Variants in IL1R1 observed in about 807,000 individuals in gnomAD.
IL1R1 encodes the protein interleukin-1 receptor type 1.
Under a neutral mutation model 50.2 loss-of-function variants are expected in IL1R1, and 22 were observed. That is an observed-to-expected ratio of 0.44 (90% CI 0.31 to 0.63). The LOEUF is 0.63. IL1R1 is among the 20% of genes least tolerant of loss of function. The pLI is 0.07. For synonymous variants in IL1R1, 251 were observed against 236.7 expected, an observed-to-expected ratio of 1.06 and a Z score of -0.55; for missense variants, 509 against 676.2, an observed-to-expected ratio of 0.75 and a Z score of 2.74.
At chr2:102,173,779 A>T (rs548261039) in intron 9 of IL1R1, among the ~76,000 whole-genome samples, 30 of 152,180 alleles carry the variant, frequency 2.0e-4, no homozygotes, top group Non-Finnish European at 3.8e-4. Context: ...TGTAAAAGTC[A>T]TAGGGAACTG....
intron 1 of IL1R1, among the ~76,000 whole-genome samples, chr2:102,080,770 A>G (rs1679169545): frequency 6.6e-6 from 1 of 152,248 alleles, no homozygotes; most frequent in African/African-American, 2.4e-5. Flanking sequence ...TCATAGCAAC[A>G]TTATTCAAAA....
At position 102,151,030 on chromosome 2, in the gene IL1R1, G is replaced by A. The variant is rs544195220; in HGVS notation, c.-83-2911G>A. Among the ~76,000 whole-genome samples the A allele has an allele frequency of 5.9e-5, 9 of 152,232 alleles. No homozygotes were observed. In the South Asian group the frequency reaches 1.9e-3, roughly 32 times the overall value. On this transcript the variant is annotated intron_variant, in intron 1 of 11. Transcript: ENST00000410023. ...TTTAATGTTACTGGTATTTTCTAAA[G>A]GTACGTTTTGAATCTTACTATAAGT...
intron 1 of IL1R1, among the ~76,000 whole-genome samples, chr2:102,151,280 G>T (rs1375557448): frequency 1.3e-5 from 2 of 151,720 alleles, no homozygotes; most frequent in African/African-American, 2.4e-5. Context: ...ATATGATTCC[G>T]GCCATCTCCA....
chr2:102,090,543 T>C (rs1679621436), intron 1 of IL1R1, among the ~76,000 whole-genome samples: 1 of 152,190 alleles, frequency 6.6e-6, no homozygotes, highest in South Asian at 2.1e-4. Flanking sequence ...TTAAACTACC[T>C]CCACATTTGC....
At chr2:102,158,792 T>TA (rs3917337) in intron 3 of IL1R1, among the ~76,000 whole-genome samples, 2 of 152,236 alleles carry the variant, frequency 1.3e-5, no homozygotes, top group Non-Finnish European at 2.9e-5. Flanking sequence ...TGATCTGACT[T>TA]ACGTTTTGAT....
chr2:102,158,162 C>G (rs1252640831), intron 3 of IL1R1, among the ~76,000 whole-genome samples: 1 of 152,186 alleles, frequency 6.6e-6, no homozygotes, highest in Non-Finnish European at 1.5e-5. Flanking sequence ...TCTTTATGAA[C>G]CCACAGCTGG....
chr2:102,092,737 T>C (rs1275479614), intron 1 of IL1R1, among the ~76,000 whole-genome samples: 3 of 152,156 alleles, frequency 2.0e-5, no homozygotes, highest in Admixed American at 2.0e-4. Flanking sequence ...TGGAATTTAC[T>C]GGCAAAACAG....
rs573647608 is a variant in IL1R1, at chr2:102,135,305, G to A, written c.-83-18636G>A. On this transcript the variant is annotated intron_variant, in intron 1 of 10. Coordinates refer to the IL1R1 transcript ENST00000409329. ...ATGCTTTACGCTGTTCTTTGTAGCTGACTGCTTCTGACATTCTGAGCATTG... is the reference window on the plus strand; with the variant it reads ...ATGCTTTACGCTGTTCTTTGTAGCTAACTGCTTCTGACATTCTGAGCATTG... Among the ~76,000 whole-genome samples, 7 of 152,252 alleles carry A rather than the reference G, an allele frequency of 4.6e-5. 1 individual carries two copies. The highest frequency in any genetic ancestry group is 1.7e-4 in the African/African-American group (7 of 41,546).
chr2:102,135,334 G>A (rs777657512), intron 1 of IL1R1, among the ~76,000 whole-genome samples: 1 of 152,076 alleles, frequency 6.6e-6, no homozygotes, highest in Non-Finnish European at 1.5e-5. Context: ...AGCATTGATC[G>A]AGTTGCCTAT....
chr2:102,090,125 C>T lies in IL1R1; in HGVS notation c.-84+19592C>T, dbSNP rs186760297. Among the ~76,000 whole-genome samples, 1,246 of 151,572 alleles carry T rather than the reference C, an allele frequency of 8.2e-3. 11 individuals carry two copies. Among genetic ancestry groups the T allele is most frequent in the Middle Eastern group, 0.031 (9 of 292 alleles). On this transcript the variant is annotated intron_variant, in intron 1 of 11. Transcript: ENST00000409929. ...CTAGGATTACAGGCATGAGCCACTG[C>T]GCCCAGCCTATCCTTTTTTTTTCAA...
chr2:102,085,124 G>T (rs951179141), intron 1 of IL1R1, among the ~76,000 whole-genome samples: 9 of 152,242 alleles, frequency 5.9e-5, no homozygotes, highest in African/African-American at 2.2e-4. Context: ...AATGCATTCT[G>T]GGTAAGAACA....
At chr2:102,095,154 C>T (rs1679844277) in intron 1 of IL1R1, among the ~76,000 whole-genome samples, 1 of 152,176 alleles carries the variant, frequency 6.6e-6, no homozygotes, top group Non-Finnish European at 1.5e-5. Flanking sequence ...CATCATAAAC[C>T]AGTCTTTCCC....
At chr2:102,176,107 A>G in intron 11 of IL1R1, 2 of 474,838 alleles carry the variant, frequency 4.2e-6, no homozygotes, top group Non-Finnish European at 7.4e-6. Flanking sequence ...GGGTCACTTG[A>G]GCCTAGGAGT....
chr2:102,132,004 A>G (rs751204668), intron 1 of IL1R1, among the ~76,000 whole-genome samples: 47 of 152,290 alleles, frequency 3.1e-4, no homozygotes, highest in Non-Finnish European at 5.4e-4. Flanking sequence ...GATTCCTCAT[A>G]GAAACAATGC....
chr2:102,142,756 C>T lies in IL1R1; in HGVS notation c.-348C>T, dbSNP rs1202029427. ...AGAGCCGCGCCCGGCAGTTCCCGGC[C>T]GCGAGGGCGGGCGCAGCTTGTGGCC... On this transcript the variant is annotated 5_prime_UTR_variant, in exon 1 of 12. Coordinates refer to ENST00000410023, the MANE Select transcript of IL1R1 (RefSeq NM_000877.4). The T allele has an allele frequency of 1.3e-5, 2 of 149,852 alleles. No homozygotes were observed. The highest frequency in any genetic ancestry group is 3.0e-5 in the Non-Finnish European group (2 of 67,456). The allele number at this position is 149,852 out of a possible 1,614,324, so 9.3% of individuals were successfully genotyped here. A position where few individuals can be genotyped will look rare whatever the true frequency, so the allele number is the denominator to read the frequency against.
intron 1 of IL1R1, among the ~76,000 whole-genome samples, chr2:102,085,113 T>A (rs1306073227): frequency 6.6e-6 from 1 of 152,270 alleles, no homozygotes; most frequent in Non-Finnish European, 1.5e-5. Context: ...CAGTGGTTTT[T>A]AATGCATTCT....
rs1260180864 is a variant in IL1R1 at position 102,164,754 on chromosome 2, C to T, written c.62-20C>T. 1 of 1,559,916 alleles carries T rather than the reference C, an allele frequency of 6.4e-7. No individual in the cohort carries two copies. Among genetic ancestry groups the T allele is most frequent in the South Asian group, 1.1e-5 (1 of 88,474 alleles). On this transcript the variant is annotated intron_variant, in intron 3 of 11. Coordinates refer to ENST00000410023, the MANE Select transcript of IL1R1 (RefSeq NM_000877.4). ...GGCAGATTTTTATGTAAATTGCTTCCACCCTTCTTCCTTTTAAAGATAAAT... is the reference window on the plus strand; with the variant it reads ...GGCAGATTTTTATGTAAATTGCTTCTACCCTTCTTCCTTTTAAAGATAAAT...
At position 102,179,834 on chromosome 2, in the gene IL1R1, G is replaced by C. The variant is rs916797005; in HGVS notation, c.*3075G>C. 3 of 152,636 alleles carry C rather than the reference G, an allele frequency of 2.0e-5. No homozygotes were observed. The highest frequency in any genetic ancestry group is 7.2e-5 in the African/African-American group (3 of 41,430). The allele number at this position is 152,636 out of a possible 1,614,324, so 9.5% of individuals were successfully genotyped here. A position where few individuals can be genotyped will look rare whatever the true frequency, so the allele number is the denominator to read the frequency against. ...AGCATGCATCACGGATCAATAGACTGTACTTATTTTCCAATAAAATTTTCA... is the reference window on the plus strand; with the variant it reads ...AGCATGCATCACGGATCAATAGACTCTACTTATTTTCCAATAAAATTTTCA... On this transcript the variant is annotated 3_prime_UTR_variant, in exon 12 of 12. Transcript: ENST00000410023.
intron 1 of IL1R1, among the ~76,000 whole-genome samples, chr2:102,116,604 T>A (rs1681084501): frequency 6.6e-6 from 1 of 151,856 alleles, no homozygotes. Flanking sequence ...TAAAGGGAGG[T>A]CAACTTTTGT....
Sources: allele counts gnomAD v4.1 joint callset (sites outside exome capture counted in the v4.1 genomes callset), GRCh38; gene constraint gnomAD v4.1.1; transcripts MANE v1.5; gene names NCBI Gene and HGNC (gene_info 2026-07-23, HGNC 2026-07-21).